The following STARD8 variants were observed in gnomAD, a reference collection of about 807,000 sequenced individuals.
The protein encoded by STARD8 is stAR-related lipid transfer protein 8.
A neutral mutation model predicts 69.4 loss-of-function variants in STARD8; 25 were observed. That is an observed-to-expected ratio of 0.36 (90% confidence interval 0.26 to 0.50). The LOEUF (loss-of-function observed/expected upper bound fraction) is 0.50. Among genes scored for constraint, STARD8 ranks in the 20% least tolerant of loss-of-function variants. The pLI is 0.96. For missense variants in STARD8, 921 were observed against 932.5 expected, an observed-to-expected ratio of 0.99 and a Z score of 0.16; for synonymous variants, 389 against 374.6, an observed-to-expected ratio of 1.04 and a Z score of -0.45.
rs1402863535 is a variant in STARD8, at chrX:68,689,307, T to G, written c.80-23607T>G. 5.0e-5 allele frequency among the ~76,000 whole-genome samples: 5 copies of G among 100,863 alleles called. No individual in the cohort carries two copies. The East Asian group carries it at 1.7e-3, about 34-fold the overall frequency. 87.6% of individuals were successfully genotyped at this position (100,863 alleles called of 115,157 possible). On this transcript the variant is annotated intron_variant, in intron 2 of 14. Coordinates refer to ENST00000374599, the MANE Select transcript of STARD8 (RefSeq NM_001142503.3). Reference sequence around the variant, plus strand: ...CCTCCCCGAGGCGTTAGTGGGGTGCTCCATCTGCCTGCAGCAGAAAACCTC... The same window carrying G: ...CCTCCCCGAGGCGTTAGTGGGGTGCGCCATCTGCCTGCAGCAGAAAACCTC...
At chrX:68,715,193 G>T (rs2080082156) in intron 3 of STARD8, 101 bp from the exon 4 acceptor site, 5 of 682,221 alleles carry the variant, frequency 7.3e-6, no homozygotes, top group Admixed American at 3.6e-5. Context: ...TTGTCTTCCT[G>T]CTCCCCCTCC....
At chrX:68,653,084 AC>A (rs2079571720) in intron 1 of STARD8, among the ~76,000 whole-genome samples, 2 of 15,887 alleles carry the variant, frequency 1.3e-4, no homozygotes, top group Non-Finnish European at 2.2e-4. Context: ...CACACACCAC[AC>A]CACACACCAC....
intron 2 of STARD8, among the ~76,000 whole-genome samples, chrX:68,706,711 C>T (rs1194009403): frequency 8.9e-6 from 1 of 112,721 alleles, no homozygotes; most frequent in Non-Finnish European, 1.9e-5. Context: ...GGCCTGGGTC[C>T]CTTAGTGTTT....
intron 2 of STARD8, among the ~76,000 whole-genome samples, chrX:68,699,326 G>A (rs747675729): frequency 8.9e-6 from 1 of 112,518 alleles, no homozygotes; most frequent in Non-Finnish European, 1.9e-5. Context: ...GAAGCTTGGG[G>A]CTTCCCGACA....
At chrX:68,700,770 G>T (rs771110373) in intron 2 of STARD8, among the ~76,000 whole-genome samples, 42 of 111,861 alleles carry the variant, frequency 3.8e-4, no homozygotes, top group African/African-American at 1.3e-3. Flanking sequence ...AGGGGTCAGA[G>T]TGGAGCAGAA....
intron 1 of STARD8, among the ~76,000 whole-genome samples, chrX:68,652,928 C>T (rs1196264149): frequency 3.0e-5 from 2 of 66,053 alleles, no homozygotes; most frequent in African/African-American, 1.2e-4. Context: ...ACACACATCA[C>T]ACACACCACA....
Position 68,716,274 on chromosome X carries a change from G to A in STARD8, c.234-94G>A, listed in dbSNP as rs113140919. 3.2e-3 allele frequency: 2,797 copies of A among 861,144 alleles called. 18 individuals are homozygous for A. The highest frequency in any genetic ancestry group is 0.019 in the African/African-American group (955 of 50,017). 71.0% of individuals were successfully genotyped at this position (861,144 alleles called of 1,213,427 possible). ...ATTGGAGCTTGCGAGAAGTTTTGATGGCTTGGGCATGTGAAGTGGCAGGTG... is the reference window on the plus strand; with the variant it reads ...ATTGGAGCTTGCGAGAAGTTTTGATAGCTTGGGCATGTGAAGTGGCAGGTG... On this transcript the variant is annotated intron_variant, in intron 4 of 14. Transcript: ENST00000374599.
chrX:68,693,804 A>G, intron 2 of STARD8: 2 of 754,564 alleles, frequency 2.7e-6, no homozygotes, highest in Non-Finnish European at 3.1e-6. Flanking sequence ...GCCCGAACCC[A>G]AAGGGGTGGA....
At chrX:68,652,801 ACACC>A (rs2079558446) in intron 1 of STARD8, among the ~76,000 whole-genome samples, 1 of 54,679 alleles carries the variant, frequency 1.8e-5, no homozygotes, top group Non-Finnish European at 3.4e-5. Context: ...CACACACCAC[ACACC>A]ACACACACAC....
In STARD8 at chrX:68,684,740, C is replaced by T. The variant is rs753920866; in HGVS notation, c.79+19208C>T. On this transcript the variant is annotated intron_variant, in intron 2 of 14. Coordinates refer to ENST00000374599, the MANE Select transcript of STARD8 (RefSeq NM_001142503.3). ...GCCAGAGGGTGCTGGGAGAGACGGG[C>T]TTCCCATTGATTTATGGTCATTTGA... 7.1e-5 allele frequency among the ~76,000 whole-genome samples: 8 copies of T among 112,662 alleles called. No individual in the cohort carries two copies. In the South Asian group the frequency reaches 2.9e-3, roughly 41 times the overall value.
chrX:68,705,311 C>A (rs1569366607), intron 2 of STARD8, among the ~76,000 whole-genome samples: 2 of 112,062 alleles, frequency 1.8e-5, no homozygotes, highest in Non-Finnish European at 3.8e-5. Flanking sequence ...GCTGGGCTGC[C>A]TCTGGACCCA....
Position 68,718,101 on chromosome X carries a change from G to T in STARD8, c.1187G>T (p.Trp396Leu). ...CTAGACGACATCCTCCAGCACGTGTGGGGGCTACAGCAACGAGTAGAGCTG... is the reference window on the plus strand; with the variant it reads ...CTAGACGACATCCTCCAGCACGTGTTGGGGCTACAGCAACGAGTAGAGCTG... ...AHLDDILQHV[W>L]GLQQRVELWS... is the part of the protein sequence containing the mutation. The change falls in exon 6 of 15, where the codon TGG (tryptophan) becomes TTG (leucine). Residue 396 changes from tryptophan to leucine, a missense_variant. By Grantham distance (61) the Trp-to-Leu change is moderately conservative. Coordinates refer to ENST00000374599, the MANE Select transcript of STARD8 (RefSeq NM_001142503.3). 1 of 1,211,766 alleles carries T rather than the reference G, an allele frequency of 8.3e-7. No homozygotes were observed. Among genetic ancestry groups the T allele is most frequent in the Non-Finnish European group, 1.1e-6 (1 of 895,444 alleles).
chrX:68,658,934 T>A (rs1160171122), intron 1 of STARD8, among the ~76,000 whole-genome samples: 13 of 112,251 alleles, frequency 1.2e-4, no homozygotes. Flanking sequence ...GGAATGGGAG[T>A]TGAGGCCCTG....
At chrX:68,674,091 C>T (rs1277255749) in intron 2 of STARD8, among the ~76,000 whole-genome samples, 10 of 110,721 alleles carry the variant, frequency 9.0e-5, no homozygotes, top group East Asian at 2.8e-4. Flanking sequence ...GTCAGGAGTT[C>T]GAGACCAGCC....
chrX:68,695,897 G>A (rs1244262261), intron 2 of STARD8, among the ~76,000 whole-genome samples: 1 of 112,029 alleles, frequency 8.9e-6, no homozygotes, highest in African/African-American at 3.3e-5. Context: ...AAGGAAGGAG[G>A]GGATGGAGTC....
intron 2 of STARD8, among the ~76,000 whole-genome samples, chrX:68,671,710 G>C: frequency 8.9e-6 from 1 of 112,222 alleles, no homozygotes; most frequent in East Asian, 2.8e-4. Context: ...TCCAGCCAAT[G>C]GTGCAGATCC....
At chrX:68,668,274 C>CTTTCTCTTTCTT (rs1287993380) in intron 2 of STARD8, among the ~76,000 whole-genome samples, 3 of 66,743 alleles carry the variant, frequency 4.5e-5, no homozygotes, top group African/African-American at 2.2e-4. Context: ...TTCTTTCTTT[C>CTTTCTCTTTCTT]TCTTTCTTTC....
chrX:68,719,158 C>A, intron 6 of STARD8, 67 bp from the exon 7 acceptor site: 1 of 1,074,187 alleles, frequency 9.3e-7, no homozygotes, highest in African/African-American at 1.9e-5. Context: ...CACAATAACA[C>A]CTTTTCTAAG....
chrX:68,680,922 G>A (rs2079797247), intron 2 of STARD8, among the ~76,000 whole-genome samples: 1 of 110,899 alleles, frequency 9.0e-6, no homozygotes, highest in Non-Finnish European at 1.9e-5. Flanking sequence ...AGTTCAGGGA[G>A]GTAGGTGTTA....
Sources: allele counts gnomAD v4.1 joint callset (sites outside exome capture counted in the v4.1 genomes callset), GRCh38; gene constraint gnomAD v4.1.1; transcripts MANE v1.5; gene names NCBI Gene and HGNC (gene_info 2026-07-23, HGNC 2026-07-21).